The following CDK8 variants were observed in gnomAD, a reference collection of about 807,000 sequenced individuals.
CDK8 encodes the protein cyclin-dependent kinase 8.
A neutral mutation model predicts 71.5 loss-of-function variants in CDK8; 29 were observed. That is an observed-to-expected ratio of 0.41 (90% CI 0.30 to 0.55). The LOEUF is 0.55. Among genes scored for constraint, CDK8 ranks in the 20% least tolerant of loss-of-function variants. The probability of loss-of-function intolerance (pLI) is 0.37; values close to 1 mark genes in which losing one functional copy is unlikely to be tolerated. For synonymous variants in CDK8, 161 were observed against 192.1 expected (o/e 0.84, Z 1.34); for missense variants, 288 against 572.6 (o/e 0.50, Z 5.07).
chr13:26,337,021 A>C (rs1194977186), intron 1 of CDK8, among the ~76,000 whole-genome samples: 1 of 152,100 alleles, frequency 6.6e-6, no homozygotes, highest in African/African-American at 2.4e-5. Flanking sequence ...TTGTATCCTC[A>C]GTACCTAGCA....
chr13:26,360,136 T>G (rs1379714138), intron 4 of CDK8, among the ~76,000 whole-genome samples: 1 of 152,202 alleles, frequency 6.6e-6, no homozygotes, highest in East Asian at 1.9e-4. Context: ...TAATATTTCT[T>G]TTACTGGGAA....
chr13:26,344,953 TATC>T (rs1484819581), intron 2 of CDK8, among the ~76,000 whole-genome samples: 1 of 152,190 alleles, frequency 6.6e-6, no homozygotes, highest in Non-Finnish European at 1.5e-5. Context: ...AGGCATTTAT[TATC>T]ATCAAATATT....
intron 1 of CDK8, among the ~76,000 whole-genome samples, chr13:26,283,057 A>C (rs1185136446): frequency 1.3e-5 from 2 of 152,214 alleles, no homozygotes; most frequent in Non-Finnish European, 2.9e-5. Flanking sequence ...AATTTATAAA[A>C]CAATTACTAC....
At chr13:26,263,886 A>G (rs911898269) in intron 1 of CDK8, among the ~76,000 whole-genome samples, 2 of 151,680 alleles carry the variant, frequency 1.3e-5, no homozygotes, top group Non-Finnish European at 2.9e-5. Context: ...AGCTGGGACT[A>G]CAGGCGCCCG....
intron 3 of CDK8, among the ~76,000 whole-genome samples, chr13:26,353,404 T>G (rs1457631292): frequency 6.6e-6 from 1 of 152,140 alleles, no homozygotes; most frequent in Non-Finnish European, 1.5e-5. Flanking sequence ...TGTTCTTTTT[T>G]TTTTTTCATT....
intron 4 of CDK8, among the ~76,000 whole-genome samples, chr13:26,371,672 A>G (rs1041131486): frequency 2.0e-5 from 3 of 152,036 alleles, no homozygotes; most frequent in African/African-American, 7.2e-5. Context: ...CTGGAGTGCA[A>G]TGGCGTGATC....
intron 1 of CDK8, among the ~76,000 whole-genome samples, chr13:26,310,606 C>T (rs989032952): frequency 7.2e-5 from 11 of 152,200 alleles, no homozygotes; most frequent in Non-Finnish European, 1.5e-4. Context: ...AATCTAATGT[C>T]GCTACTGATA....
intron 2 of CDK8, among the ~76,000 whole-genome samples, chr13:26,343,171 C>T (rs1480945262): frequency 1.3e-5 from 2 of 152,136 alleles, no homozygotes; most frequent in Admixed American, 1.3e-4. Context: ...CATTATTAGG[C>T]GATCTCATTG....
Position 26,393,399 on chromosome 13 carries a change from C to A in CDK8, c.679C>A (p.Leu227Ile), listed in dbSNP as rs2138063167. 1 of 1,607,626 alleles carries A rather than the reference C, an allele frequency of 6.2e-7. No individual in the cohort carries two copies. Among genetic ancestry groups the A allele is most frequent in the Non-Finnish European group, 8.5e-7 (1 of 1,175,796 alleles). ...GGCTATAGGGTGTATATTTGCAGAA[C>A]TACTAACGTCAGAACCAATATTTCA... ...IWAIGCIFAE[L>I]LTSEPIFHCR... Residue 227 changes from leucine (L) to isoleucine (I), a missense_variant, in exon 7 of 13, where the codon CTA (leucine) becomes ATA (isoleucine). Leu to Ile is a conservative substitution (Grantham distance 5). Transcript: ENST00000381527.
chr13:26,268,302 C>T (rs1872132578), intron 1 of CDK8, among the ~76,000 whole-genome samples: 1 of 127,420 alleles, frequency 7.8e-6, no homozygotes, highest in Non-Finnish European at 1.8e-5. Context: ...CACACACACA[C>T]ACACACAGTC....
chr13:26,274,647 G>A (rs1056420602), intron 1 of CDK8, among the ~76,000 whole-genome samples: 2 of 151,976 alleles, frequency 1.3e-5, no homozygotes, highest in African/African-American at 2.4e-5. Flanking sequence ...TAGCCAGGAT[G>A]GTCTCATTCT....
At chr13:26,386,768 C>T (rs1875497358) in intron 6 of CDK8, among the ~76,000 whole-genome samples, 2 of 152,198 alleles carry the variant, frequency 1.3e-5, no homozygotes, top group Admixed American at 1.3e-4. Context: ...ACTTGGATGA[C>T]ACCCCTCCAT....
In CDK8 at chr13:26,336,550, C is replaced by CTTTTTTTT. The variant is rs1227344754; in HGVS notation, c.129-1003_129-996dup. Among the ~76,000 whole-genome samples, 128 of 121,184 alleles carry CTTTTTTTT rather than the reference C, an allele frequency of 1.1e-3. 1 individual carries two copies. The highest frequency in any genetic ancestry group is 3.7e-3 in the African/African-American group (115 of 31,106). The allele number at this position is 121,184 out of a possible 152,430, so 79.5% of individuals were successfully genotyped here. On this transcript the variant is annotated intron_variant, in intron 1 of 12. Coordinates refer to ENST00000381527, the MANE Select transcript of CDK8 (RefSeq NM_001260.3). Reference sequence around the variant, plus strand: ...TCAGATGGCATTTTCTCTGAGGAGTCTTTTTTTTTTTTTTTTTTTTTGAGA... The same window carrying CTTTTTTTT: ...TCAGATGGCATTTTCTCTGAGGAGTCTTTTTTTTTTTTTTTTTTTTTTTTTTTTTGAGA...
At chr13:26,360,842 T>G (rs1355791319) in intron 4 of CDK8, among the ~76,000 whole-genome samples, 1 of 152,228 alleles carries the variant, frequency 6.6e-6, no homozygotes, top group East Asian at 1.9e-4. Context: ...ACCTCTACTA[T>G]GATTTACTGC....
intron 1 of CDK8, among the ~76,000 whole-genome samples, chr13:26,267,349 A>G (rs757916703): frequency 3.9e-5 from 6 of 152,208 alleles, no homozygotes; most frequent in Non-Finnish European, 1.5e-5. Context: ...AGATGGGACT[A>G]TGAAATTAAT....
intron 1 of CDK8, among the ~76,000 whole-genome samples, chr13:26,300,030 A>C (rs1314129599): frequency 6.6e-6 from 1 of 152,146 alleles, no homozygotes; most frequent in Non-Finnish European, 1.5e-5. Flanking sequence ...ATTACAGAAA[A>C]ATGGGGACCT....
chr13:26,350,812 A>G (rs1180755164), intron 3 of CDK8, among the ~76,000 whole-genome samples: 1 of 152,212 alleles, frequency 6.6e-6, no homozygotes, highest in Non-Finnish European at 1.5e-5. Context: ...ACTTAATTTT[A>G]TCTTGTCTGA....
chr13:26,274,557 G>A (rs1440373782), intron 1 of CDK8, among the ~76,000 whole-genome samples: 4 of 150,976 alleles, frequency 2.6e-5, no homozygotes, highest in Admixed American at 1.3e-4. Context: ...TCAGCCTCCC[G>A]AGTAGCTGGG....
chr13:26,310,997 A>G (rs1423438561), intron 1 of CDK8, among the ~76,000 whole-genome samples: 3 of 149,234 alleles, frequency 2.0e-5, no homozygotes, highest in Non-Finnish European at 3.0e-5. Flanking sequence ...CCTGTTCGCT[A>G]TGCTTCAGCT....
Sources: gnomAD v4.1 joint callset for allele counts (sites outside exome capture counted in the v4.1 genomes callset) on GRCh38, gnomAD v4.1.1 for gene constraint, MANE v1.5 for transcripts, NCBI Gene and HGNC (gene_info 2026-07-23, HGNC 2026-07-21) for gene names.